The following COL5A1 variants were observed in gnomAD, a reference collection of about 807,000 sequenced individuals.
COL5A1 encodes the protein collagen type V alpha 1 chain, also known as collagen alpha-1(V) chain.
In COL5A1, 16 loss-of-function variants were observed where a neutral mutation model predicts 263.7. The observed-to-expected ratio is 0.06, with a 90% CI of 0.04 to 0.09. COL5A1 has a LOEUF of 0.09. Among genes scored for constraint, COL5A1 ranks in the 10% least tolerant of loss-of-function variants. The probability of loss-of-function intolerance (pLI) is 1.00; values close to 1 mark genes in which losing one functional copy is unlikely to be tolerated. For synonymous variants in COL5A1, 1,012 were observed against 1,004.5 expected (o/e 1.01, Z -0.14); for missense variants, 2,036 against 2,540.5 (o/e 0.80, Z 4.27).
At chr9:134,733,258 C>G (rs76003999) in intron 9 of COL5A1, among the ~76,000 whole-genome samples, 2 of 152,196 alleles carry the variant, frequency 1.3e-5, no homozygotes, top group South Asian at 4.1e-4. Context: ...GGAACCTTGA[C>G]GGATGGCACT....
Position 134,754,550 on chromosome 9 carries a change from G to A in COL5A1, c.1827+224G>A, listed in dbSNP as rs1251133011. Among the ~76,000 whole-genome samples, 2 of 152,242 alleles carry A rather than the reference G, an allele frequency of 1.3e-5. No individual in the cohort carries two copies. The highest frequency in any genetic ancestry group is 3.2e-3 in the Middle Eastern group (1 of 316). On this transcript the variant is annotated intron_variant, in intron 16 of 65. Transcript: ENST00000371817. This position sits in a 1 kb window ranked among gnomAD's most constrained non-coding sequence, Gnocchi z 4.3. ...ACACAGCGGACCAGGCCTCTTCCCT[G>A]GGCACATTCATTTAGTTTAATAAAC...
chr9:134,774,722 C>T, intron 26 of COL5A1, 137 bp from the exon 27 acceptor site: 1 of 849,642 alleles, frequency 1.2e-6, no homozygotes, highest in South Asian at 1.5e-5. Context: ...CCACGGGGGG[C>T]CTCTCTGGAG....
Position 134,732,075 on chromosome 9 carries a change from G to A in COL5A1, c.1337G>A (p.Gly446Glu), listed in dbSNP as rs765997456. 1 of 1,614,124 alleles carries A rather than the reference G, an allele frequency of 6.2e-7. No individual in the cohort carries two copies. Among genetic ancestry groups the A allele is most frequent in the Admixed American group, 1.7e-5 (1 of 60,030 alleles). The change falls in exon 9 of 66, where the codon GGA (glycine) becomes GAA (glutamate). Residue 446 changes from glycine (G) to glutamate (E), a missense_variant. Physicochemically the swap from Gly to Glu is moderately conservative, Grantham distance 98 (BLOSUM62 -2). Around this residue, in one of 3 missense-constraint regions of COL5A1, gnomAD observed 600 missense variants for 634.5 expected, o/e 0.95. Transcript: ENST00000371817. ...TCTGCCTTTTATCACCCCCAGATTG[G>A]AGGACCTCGGGGCGAGAAAGGCCAA... is the stretch of plus-strand genomic sequence containing the variant. ...ANQDTIYEGIGGPRGEKGQKG... is the reference protein window; with the variant it reads ...ANQDTIYEGIEGPRGEKGQKG...
intron 9 of COL5A1, among the ~76,000 whole-genome samples, chr9:134,734,797 T>C (rs901331983): frequency 2.0e-5 from 3 of 152,214 alleles, no homozygotes; most frequent in Non-Finnish European, 4.4e-5. Flanking sequence ...CAAATCACCA[T>C]CTCCACTTGA....
chr9:134,735,322 G>A (rs1194326278), intron 9 of COL5A1, among the ~76,000 whole-genome samples: 1 of 152,148 alleles, frequency 6.6e-6, no homozygotes, highest in African/African-American at 2.4e-5. Context: ...CCACCCCATA[G>A]CTGCCTCTTT....
chr9:134,713,230 C>T (rs1242247052), intron 4 of COL5A1, among the ~76,000 whole-genome samples: 1 of 152,262 alleles, frequency 6.6e-6, no homozygotes, highest in Non-Finnish European at 1.5e-5. Context: ...TGCCTGAGCC[C>T]TACCCCACTG....
intron 29 of COL5A1, 116 bp from the exon 30 acceptor site, chr9:134,784,873 G>C (rs889584911): frequency 1.2e-6 from 1 of 843,254 alleles, no homozygotes; most frequent in Non-Finnish European, 2.0e-6. Context: ...TGGTGGAGCA[G>C]CTCTGACCAC....
In COL5A1 at chr9:134,768,051, G is replaced by A. The variant is rs115093919; in HGVS notation, c.2233-359G>A. Among the ~76,000 whole-genome samples the A allele has an allele frequency of 3.7e-3, 563 of 152,340 alleles. 3 individuals carry two copies. The highest frequency in any genetic ancestry group is 0.017 in the Middle Eastern group (5 of 294). The stretch of plus-strand genomic sequence containing the variant: ...CTGGGGTGTTGATGTGAACAGACCA[G>A]GGAGGACAGGGTGGTGGGAGCACTT... On this transcript the variant is annotated intron_variant, in intron 24 of 65. Coordinates refer to ENST00000371817, the MANE Select transcript of COL5A1 (RefSeq NM_000093.5).
At chr9:134,732,562 C>T (rs180794189) in intron 9 of COL5A1, 7 of 279,828 alleles carry the variant, frequency 2.5e-5, no homozygotes, top group Admixed American at 4.7e-5. Flanking sequence ...TACCTCTCTG[C>T]GTCTGTTATG....
intron 1 of COL5A1, among the ~76,000 whole-genome samples, chr9:134,662,358 C>T (rs552613731): frequency 2.6e-5 from 4 of 152,244 alleles, no homozygotes; most frequent in Non-Finnish European, 5.9e-5. Flanking sequence ...TCTGACAACT[C>T]AGCTGGTTTC....
intron 28 of COL5A1, among the ~76,000 whole-genome samples, chr9:134,781,863 G>A (rs571412409): frequency 2.1e-4 from 32 of 152,320 alleles, no homozygotes; most frequent in Middle Eastern, 3.4e-3. Context: ...CCTCCCTTGC[G>A]TGTGCCCCCA....
Position 134,812,774 on chromosome 9 carries a change from C to CTG in COL5A1, c.3852+74_3852+75dup, listed in dbSNP as rs10669920. Reference sequence around the variant, plus strand: ...TTGTTTGAGGAGTGTGTGTGTGTGTCTGTGTGTGTGTGTCTGTGTGTATGT... The same window carrying CTG: ...TTGTTTGAGGAGTGTGTGTGTGTGTCTGTGTGTGTGTGTGTCTGTGTGTATGT... On this transcript the variant is annotated intron_variant, in intron 48 of 65. Coordinates refer to ENST00000371817, the MANE Select transcript of COL5A1 (RefSeq NM_000093.5). 5.3e-5 allele frequency: 47 copies of CTG among 892,210 alleles called. No individual in the cohort carries two copies. The East Asian group carries it at 1.1e-3, about 22-fold the overall frequency. The allele number at this position is 892,210 out of a possible 1,614,324, so 55.3% of individuals were successfully genotyped here. A position where few individuals can be genotyped will look rare whatever the true frequency, so the allele number is the denominator to read the frequency against.
intron 9 of COL5A1, among the ~76,000 whole-genome samples, chr9:134,735,330 T>C (rs1215258570): frequency 2.0e-5 from 3 of 152,196 alleles, no homozygotes; most frequent in Non-Finnish European, 4.4e-5. Flanking sequence ...TAGCTGCCTC[T>C]TTTTCTTCTT....
intron 1 of COL5A1, chr9:134,653,511 C>T (rs1163489290): frequency 6.6e-6 from 1 of 152,396 alleles, no homozygotes; most frequent in East Asian, 1.9e-4. Flanking sequence ...AGAGGAGGAC[C>T]CCTACTCCAA....
chr9:134,829,962 C>G lies in COL5A1; in HGVS notation c.5068-14C>G, dbSNP rs760190159. On this transcript the variant is annotated splice_polypyrimidine_tract_variant and intron_variant, in intron 63 of 65. Transcript: ENST00000371817. ...CTGTTTCTCTCCCTCCCCACCTCCC[C>G]GCTGCATGTTTAGGCCAGAATCACT... The G allele has an allele frequency of 3.7e-6, 6 of 1,611,546 alleles. 1 individual carries two copies. Among genetic ancestry groups the G allele is most frequent in the Non-Finnish European group, 8.5e-7 (1 of 1,179,132 alleles).
At chr9:134,822,657 A>G (rs1032913409) in intron 59 of COL5A1, among the ~76,000 whole-genome samples, 1 of 150,686 alleles carries the variant, frequency 6.6e-6, no homozygotes, top group Non-Finnish European at 1.5e-5. Flanking sequence ...GCTGTGTGCT[A>G]TCAGGGCTGG....
chr9:134,652,292 G>T lies in COL5A1; in HGVS notation c.109+9996G>T, dbSNP rs918619778. Among the ~76,000 whole-genome samples, 1 of 152,070 alleles carries T rather than the reference G, an allele frequency of 6.6e-6. No individual in the cohort carries two copies. Among genetic ancestry groups the T allele is most frequent in the African/African-American group, 2.4e-5 (1 of 41,404 alleles). On this transcript the variant is annotated intron_variant, in intron 1 of 65. Coordinates refer to ENST00000371817, the MANE Select transcript of COL5A1 (RefSeq NM_000093.5). This position sits in a 1 kb window ranked among gnomAD's most constrained non-coding sequence, Gnocchi z 4.4. ...GAACACACAGGGCGTCCTTGGGCCG[G>T]TGTGGCGGTAACAGTGAGCTGGTGA... is the stretch of plus-strand genomic sequence containing the variant.
At chr9:134,685,464 C>T (rs370104402) in intron 1 of COL5A1, among the ~76,000 whole-genome samples, 12 of 58,216 alleles carry the variant, frequency 2.1e-4, no homozygotes, top group East Asian at 9.0e-4. Flanking sequence ...ATCCATCCAT[C>T]CATTCATCCA....
chr9:134,679,210 C>A (rs953145864), intron 1 of COL5A1, among the ~76,000 whole-genome samples: 53 of 152,146 alleles, frequency 3.5e-4, no homozygotes, highest in African/African-American at 1.2e-3. Flanking sequence ...CCTACCACCC[C>A]GCAGTCCCTC....
Sources: gnomAD v4.1 joint callset for allele counts (sites outside exome capture counted in the v4.1 genomes callset) on GRCh38, gnomAD v4.1.1 for gene constraint, gnomAD v4.1.1 regional missense constraint, Gnocchi (gnomAD v3.1) non-coding constraint, MANE v1.5 for transcripts, NCBI Gene and HGNC (gene_info 2026-07-23, HGNC 2026-07-21) for gene names.